The following WWOX variants were observed in gnomAD, a reference collection of about 807,000 sequenced individuals.
The protein encoded by WWOX is WW domain-containing oxidoreductase.
In WWOX, 69 loss-of-function variants were observed where a neutral mutation model predicts 46.2. The observed-to-expected ratio is 1.49, with a 90% CI of 1.23 to 1.82. WWOX has a LOEUF of 1.82. Among genes scored for constraint, WWOX ranks in the 40% most tolerant of loss-of-function variants. The probability of loss-of-function intolerance (pLI) is 0.00; values close to 1 mark genes in which losing one functional copy is unlikely to be tolerated. For synonymous variants in WWOX, 359 were observed against 202.6 expected, an observed-to-expected ratio of 1.77 and a Z score of -6.56; for missense variants, 919 against 542.6, an observed-to-expected ratio of 1.69 and a Z score of -6.89.
intron 8 of WWOX, among the ~76,000 whole-genome samples, chr16:78,806,717 G>T (rs578017235): frequency 1.3e-5 from 2 of 152,228 alleles, no homozygotes; most frequent in South Asian, 4.1e-4. Flanking sequence ...ATAGCCCTAG[G>T]TTTTCCTGCA....
At chr16:79,001,782 A>T (rs564598954) in intron 8 of WWOX, among the ~76,000 whole-genome samples, 6 of 152,114 alleles carry the variant, frequency 3.9e-5, no homozygotes, top group Non-Finnish European at 7.4e-5. Context: ...AGTACAAATG[A>T]AAGCCTCTCT....
At chr16:78,922,979 C>CTTT (rs1555569179) in intron 8 of WWOX, among the ~76,000 whole-genome samples, 3 of 111,650 alleles carry the variant, frequency 2.7e-5, no homozygotes, top group Admixed American at 2.5e-4. Flanking sequence ...AATTCTTTCT[C>CTTT]TTTTCTTTTT....
At chr16:78,937,908 G>A (rs1250440199) in intron 8 of WWOX, among the ~76,000 whole-genome samples, 1 of 152,180 alleles carries the variant, frequency 6.6e-6, no homozygotes, top group Non-Finnish European at 1.5e-5. Flanking sequence ...GATTACAGGT[G>A]TGTGCCACCA....
At chr16:78,381,308 C>G (rs547622850) in intron 5 of WWOX, among the ~76,000 whole-genome samples, 1 of 152,338 alleles carries the variant, frequency 6.6e-6, no homozygotes, top group East Asian at 1.9e-4. Flanking sequence ...TCTTGAGTCA[C>G]TAACACAGGT....
At chr16:78,849,544 G>A (rs116850359) in intron 8 of WWOX, among the ~76,000 whole-genome samples, 5,144 of 140,972 alleles carry the variant, frequency 0.036, 133 homozygotes, top group Non-Finnish European at 0.059. Flanking sequence ...ACTGCACTCC[G>A]GCCTGGGTGA....
chr16:78,792,574 C>T (rs1030106784), intron 8 of WWOX, among the ~76,000 whole-genome samples: 1 of 152,128 alleles, frequency 6.6e-6, no homozygotes, highest in Non-Finnish European at 1.5e-5. Context: ...ACAAATTTGT[C>T]ACATCACACT....
At chr16:78,367,548 G>C (rs537482828) in intron 5 of WWOX, among the ~76,000 whole-genome samples, 1 of 152,278 alleles carries the variant, frequency 6.6e-6, no homozygotes, top group Non-Finnish European at 1.5e-5. Flanking sequence ...CAGAAAAAAG[G>C]TGTAAAAGGC....
chr16:78,703,368 C>T (rs369687546), intron 8 of WWOX, among the ~76,000 whole-genome samples: 4 of 152,158 alleles, frequency 2.6e-5, no homozygotes, highest in African/African-American at 9.6e-5. Context: ...GTCATTCCAG[C>T]ATTTTGGGAG....
intron 8 of WWOX, among the ~76,000 whole-genome samples, chr16:78,862,540 A>G (rs2080379973): frequency 6.6e-6 from 1 of 152,110 alleles, no homozygotes; most frequent in African/African-American, 2.4e-5. Context: ...ATTTTTAAAT[A>G]AGGAATTGAC....
intron 8 of WWOX, among the ~76,000 whole-genome samples, chr16:79,178,281 C>T (rs2050841619): frequency 6.6e-6 from 1 of 152,134 alleles, no homozygotes; most frequent in South Asian, 2.1e-4. Context: ...GGATTTGACC[C>T]ATGGGCTGCA....
At chr16:78,475,446 CAGA>C (rs2084329183) in intron 8 of WWOX, among the ~76,000 whole-genome samples, 1 of 152,104 alleles carries the variant, frequency 6.6e-6, no homozygotes, top group Admixed American at 6.5e-5. Flanking sequence ...CAGAGTTTTG[CAGA>C]AGAGAATAAG....
At chr16:78,875,534 C>T (rs745594622) in intron 8 of WWOX, among the ~76,000 whole-genome samples, 1 of 152,180 alleles carries the variant, frequency 6.6e-6, no homozygotes, top group South Asian at 2.1e-4. Context: ...GTTTTTCCTT[C>T]TGTCTGTTCT....
At chr16:79,190,895 TAGAC>T (rs1261008424) in intron 8 of WWOX, among the ~76,000 whole-genome samples, 1 of 152,256 alleles carries the variant, frequency 6.6e-6, no homozygotes, top group African/African-American at 2.4e-5. Context: ...ACTCTTGAGT[TAGAC>T]AGCTAATTAG....
chr16:78,621,311 C>G (rs889875096), intron 8 of WWOX, among the ~76,000 whole-genome samples: 1 of 151,864 alleles, frequency 6.6e-6, no homozygotes, highest in Non-Finnish European at 1.5e-5. Context: ...CTTTTCATGC[C>G]CCCTTCTAAC....
chr16:78,949,086 G>C (rs768563533), intron 8 of WWOX, among the ~76,000 whole-genome samples: 2 of 152,136 alleles, frequency 1.3e-5, no homozygotes, highest in African/African-American at 4.8e-5. Context: ...ACCTACAATA[G>C]CATGGAAAAC....
chr16:78,457,784 C>A (rs529884295), intron 8 of WWOX, among the ~76,000 whole-genome samples: 1 of 151,738 alleles, frequency 6.6e-6, no homozygotes, highest in African/African-American at 2.4e-5. Flanking sequence ...GGCGTGGTGG[C>A]GGGCGCCTGT....
At chr16:78,597,603 A>ACCTCATTAAG (rs1279952024) in intron 8 of WWOX, among the ~76,000 whole-genome samples, 5 of 151,840 alleles carry the variant, frequency 3.3e-5, no homozygotes, top group African/African-American at 1.2e-4. Context: ...CTTCAAATTA[A>ACCTCATTAAG]CCTCATTAAG....
chr16:78,983,687 C>G (rs759105128), intron 8 of WWOX, among the ~76,000 whole-genome samples: 1 of 152,014 alleles, frequency 6.6e-6, no homozygotes, highest in Non-Finnish European at 1.5e-5. Flanking sequence ...AGTCTTGATC[C>G]CTGAATGACT....
intron 8 of WWOX, among the ~76,000 whole-genome samples, chr16:78,907,904 A>G (rs1308093081): frequency 6.6e-6 from 1 of 152,188 alleles, no homozygotes; most frequent in Admixed American, 6.5e-5. Context: ...GAATTCACCA[A>G]CTGCAAGGGG....
Sources: gnomAD v4.1 joint callset for allele counts (sites outside exome capture counted in the v4.1 genomes callset) on GRCh38, gnomAD v4.1.1 for gene constraint, MANE v1.5 for transcripts, NCBI Gene and HGNC (gene_info 2026-07-23, HGNC 2026-07-21) for gene names.